FARP1: variants seen among roughly 807,000 people sequenced by gnomAD.
FARP1 encodes FERM, ARHGEF and pleckstrin domain-containing protein 1.
In FARP1, 52 loss-of-function variants were observed where a neutral mutation model predicts 128.8. The ratio of observed to expected loss-of-function variants is 0.40; its 90% CI spans 0.32 to 0.51. The LOEUF (loss-of-function observed/expected upper bound fraction) is 0.51, where lower values mean the gene tolerates loss of function less well. Among genes scored for constraint, FARP1 ranks in the 20% least tolerant of loss-of-function variants. FARP1 has a pLI of 0.45. For synonymous variants in FARP1, 580 were observed against 551.8 expected (o/e 1.05, Z -0.72); for missense variants, 1,333 against 1,367.9 (o/e 0.97, Z 0.40).
At chr13:98,153,568 T>TC (rs1876280111) in intron 1 of FARP1, among the ~76,000 whole-genome samples, 1 of 21,760 alleles carries the variant, frequency 4.6e-5, no homozygotes, top group African/African-American at 7.9e-5. Flanking sequence ...TTATATATAT[T>TC]ATATATATAT....
chr13:98,336,674 G>C (rs370434399), intron 2 of FARP1, among the ~76,000 whole-genome samples: 1 of 152,148 alleles, frequency 6.6e-6, no homozygotes, highest in Non-Finnish European at 1.5e-5. Context: ...TATTCAGTGC[G>C]TACTTGCCAG....
intron 1 of FARP1, chr13:98,175,985 C>G (rs759707265): frequency 6.5e-5 from 41 of 632,192 alleles, no homozygotes; most frequent in African/African-American, 9.2e-5. Flanking sequence ...TTGTTTACAC[C>G]TCTTGGCTTT....
At position 98,431,085 on chromosome 13, in the gene FARP1, G is replaced by A. The variant is rs751555165; in HGVS notation, c.1948G>A (p.Ala650Thr). 17 of 1,614,042 alleles carry A rather than the reference G, an allele frequency of 1.1e-5. No individual in the cohort carries two copies. The South Asian group carries it at 1.9e-4, about 18-fold the overall frequency. The change falls in exon 18 of 27, where the codon GCC becomes ACC. Residue 650 changes from alanine to threonine, a missense_variant. By Grantham distance (58) the Ala-to-Thr change is moderately conservative. Transcript: ENST00000319562. Reference sequence around the variant, plus strand: ...GTGGAAGCACAGCGAGGCCTTGGAGGCCCTGGAGAATGGAATCAAGAGCTC... The same window carrying A: ...GTGGAAGCACAGCGAGGCCTTGGAGACCCTGGAGAATGGAATCAAGAGCTC... ...HLWKHSEALE[A>T]LENGIKSSRR...
chr13:98,328,849 G>A (rs1369031087), intron 2 of FARP1: 1 of 152,196 alleles, frequency 6.6e-6, no homozygotes, highest in Non-Finnish European at 1.5e-5. Flanking sequence ...AGAGAGGACG[G>A]CGAGAGATTT....
At chr13:98,276,185 C>T (rs1378359650) in intron 2 of FARP1, among the ~76,000 whole-genome samples, 1 of 152,116 alleles carries the variant, frequency 6.6e-6, no homozygotes, top group African/African-American at 2.4e-5. Context: ...AGCCTTCCCT[C>T]TATTGATGTA....
chr13:98,185,251 G>A (rs1296872543), intron 1 of FARP1, among the ~76,000 whole-genome samples: 2 of 152,054 alleles, frequency 1.3e-5, no homozygotes, highest in East Asian at 1.9e-4. Flanking sequence ...AAAAATTCCT[G>A]AAAATTTAAC....
chr13:98,395,275 G>A lies in FARP1; in HGVS notation c.1213G>A (p.Gly405Arg), dbSNP rs374386089. 1 of 1,607,336 alleles carries A rather than the reference G, an allele frequency of 6.2e-7. No homozygotes were observed. Among genetic ancestry groups the A allele is most frequent in the African/African-American group, 1.3e-5 (1 of 74,836 alleles). Residue 405 changes from glycine to arginine, a missense_variant, in exon 13 of 27, where the codon GGG (glycine) becomes AGG (arginine). Coordinates refer to ENST00000319562, the MANE Select transcript of FARP1 (RefSeq NM_005766.4). ...LTFGEGAESP[G>R]GQSCRRGKEP... ...ATTTGGAGAAGGTGCCGAATCTCCA[G>A]GGGGCCAGAGCTGCCGGCGAGGAAA...
upstream of FARP1, chr13:98,142,615 G>T (rs768158557): frequency 6.6e-6 from 1 of 152,252 alleles, no homozygotes; most frequent in Non-Finnish European, 1.5e-5. Context: ...GGCTCCGGGG[G>T]AGGGGAGGGC....
chr13:98,190,568 ATTAT>A (rs962817489), intron 1 of FARP1, among the ~76,000 whole-genome samples: 4 of 132,404 alleles, frequency 3.0e-5, no homozygotes, highest in African/African-American at 6.1e-5. Flanking sequence ...TTACTTATTT[ATTAT>A]TATTTTTAGA....
intron 2 of FARP1, among the ~76,000 whole-genome samples, chr13:98,270,910 G>A (rs1376615049): frequency 1.3e-5 from 2 of 152,152 alleles, no homozygotes; most frequent in Non-Finnish European, 2.9e-5. Flanking sequence ...GGCAGGCCAG[G>A]GTACGAGTCT....
intron 3 of FARP1, among the ~76,000 whole-genome samples, chr13:98,356,004 C>T (rs958185250): frequency 6.6e-6 from 1 of 152,036 alleles, no homozygotes; most frequent in Admixed American, 6.6e-5. Context: ...TTTACTGATA[C>T]TTGTTTTATG....
intron 17 of FARP1, among the ~76,000 whole-genome samples, chr13:98,424,861 CATT>C (rs904363715): frequency 6.6e-6 from 1 of 151,038 alleles, no homozygotes; most frequent in Non-Finnish European, 1.5e-5. Context: ...TTTCTTAAAA[CATT>C]ATGAGATTTT....
At chr13:98,320,200 G>A (rs1886929011) in intron 2 of FARP1, among the ~76,000 whole-genome samples, 1 of 152,140 alleles carries the variant, frequency 6.6e-6, no homozygotes, top group African/African-American at 2.4e-5. Context: ...CTGGAGTCAA[G>A]GCTCACAAGG....
intron 1 of FARP1, among the ~76,000 whole-genome samples, chr13:98,193,653 C>T (rs966280908): frequency 6.6e-6 from 1 of 152,220 alleles, no homozygotes; most frequent in Non-Finnish European, 1.5e-5. Flanking sequence ...CAAGTAGCAA[C>T]CCACTTTGCT....
intron 21 of FARP1, among the ~76,000 whole-genome samples, chr13:98,439,540 G>C (rs1157097772): frequency 6.6e-6 from 1 of 152,168 alleles, no homozygotes; most frequent in Non-Finnish European, 1.5e-5. Context: ...CTGGCCCCAG[G>C]GGCCCCGACA....
At chr13:98,396,195 T>C in intron 13 of FARP1, 1 of 399,112 alleles carries the variant, frequency 2.5e-6, no homozygotes, top group Non-Finnish European at 4.4e-6. Context: ...GCCTGGCTAA[T>C]GGCACACCCC....
At chr13:98,376,441 A>C (rs994389968) in intron 5 of FARP1, among the ~76,000 whole-genome samples, 12 of 152,210 alleles carry the variant, frequency 7.9e-5, no homozygotes, top group African/African-American at 2.7e-4. Flanking sequence ...ATGCTGTGCA[A>C]ATGACAAGAT....
chr13:98,439,986 G>A lies in FARP1; in HGVS notation c.2459G>A (p.Gly820Glu), dbSNP rs1261149322. 2 of 1,591,632 alleles carry A rather than the reference G, an allele frequency of 1.3e-6. No individual in the cohort carries two copies. The highest frequency in any genetic ancestry group is 2.7e-5 in the African/African-American group (2 of 74,404). The change falls in exon 22 of 27, where the codon GGG becomes GAG. Residue 820 changes from glycine (G) to glutamate (E), a missense_variant. Gly to Glu is a moderately conservative substitution (Grantham distance 98). Transcript: ENST00000319562. ...MTIEESEDEW[G>E]VPHCLTLRGQ... ...ATTGAGGAGAGCGAAGACGAGTGGG[G>A]GGTGCCCCACTGCCTGACCCTCCGG...
intron 2 of FARP1, among the ~76,000 whole-genome samples, chr13:98,319,326 T>TAAAG (rs35205744): frequency 0.49 from 75,016 of 151,598 alleles, 18,653 homozygotes; most frequent in South Asian, 0.56. Flanking sequence ...TTATAGAAAA[T>TAAAG]AATCAGTTCG....
Sources: allele counts gnomAD v4.1 joint callset (sites outside exome capture counted in the v4.1 genomes callset), GRCh38; gene constraint gnomAD v4.1.1; transcripts MANE v1.5; gene names NCBI Gene and HGNC (gene_info 2026-07-23, HGNC 2026-07-21).